The following MDN1 variants were observed in gnomAD, a reference collection of about 807,000 sequenced individuals.
The protein encoded by MDN1 is midasin AAA ATPase 1.
Under a neutral mutation model 669.2 loss-of-function variants are expected in MDN1, and 266 were observed. The observed-to-expected ratio is 0.40, with a 90% CI of 0.36 to 0.44. The LOEUF is 0.44. Among genes scored for constraint, MDN1 ranks in the 20% least tolerant of loss-of-function variants. MDN1 has a pLI of 1.00. For synonymous variants in MDN1, 2,385 were observed against 2,457.1 expected, an observed-to-expected ratio of 0.97 and a Z score of 0.87; for missense variants, 5,940 against 6,754.0, an observed-to-expected ratio of 0.88 and a Z score of 4.22.
At position 89,758,235 on chromosome 6, in the gene MDN1, T is replaced by A; in HGVS notation, c.2702+20A>T. 1 of 1,582,662 alleles carries A rather than the reference T, an allele frequency of 6.3e-7. No homozygotes were observed. Among genetic ancestry groups the A allele is most frequent in the Non-Finnish European group, 8.6e-7 (1 of 1,157,384 alleles). On this transcript the variant is annotated intron_variant, in intron 19 of 101. Coordinates refer to ENST00000369393, the MANE Select transcript of MDN1 (RefSeq NM_014611.3). ...GAACCTGTTGCAAAAAAGGAAAGTC[T>A]CCAAGAACCAAACCCTCACCTGTTT... is the stretch of plus-strand genomic sequence containing the variant.
At chr6:89,668,986 C>T (rs551979600) in intron 83 of MDN1, among the ~76,000 whole-genome samples, 3 of 152,174 alleles carry the variant, frequency 2.0e-5, no homozygotes, top group African/African-American at 7.2e-5. Flanking sequence ...TTAATTTTCC[C>T]ATTGAACTAC....
chr6:89,677,960 C>T (rs1311484761), intron 75 of MDN1, among the ~76,000 whole-genome samples: 2 of 152,210 alleles, frequency 1.3e-5, no homozygotes, highest in African/African-American at 2.4e-5. Context: ...TGGTACAGCA[C>T]GTGGTGACAG....
At chr6:89,742,969 T>A (rs957969165) in intron 31 of MDN1, among the ~76,000 whole-genome samples, 181 bp downstream of exon 31, 1 of 151,934 alleles carries the variant, frequency 6.6e-6, no homozygotes, top group African/African-American at 2.4e-5. Context: ...GTGCACAAGA[T>A]TAAATATCTA....
chr6:89,810,114 G>C (rs1455565114), intron 1 of MDN1, among the ~76,000 whole-genome samples: 1 of 150,420 alleles, frequency 6.6e-6, no homozygotes, highest in Non-Finnish European at 1.5e-5. Context: ...TCCTGGAGCT[G>C]TCATAACAAA....
At position 89,715,752 on chromosome 6, in the gene MDN1, C is replaced by T. The variant is rs1814322913; in HGVS notation, c.6761G>A (p.Arg2254His). 2.5e-6 allele frequency: 4 copies of T among 1,611,196 alleles called. No individual in the cohort carries two copies. Among genetic ancestry groups the T allele is most frequent in the Non-Finnish European group, 1.7e-6 (2 of 1,177,332 alleles). ...TCCGGGTTCAAGCAAAGCATTCAAA[C>T]GATCCAACACTGATGGGCTGCAGAG... is the stretch of plus-strand genomic sequence containing the variant. Reference protein sequence around the residue: ...VNFCNPSVLDRLNALLEPGGV... With the variant: ...VNFCNPSVLDHLNALLEPGGV... Residue 2254 changes from arginine to histidine, a missense_variant, in exon 45 of 102, where the codon CGT becomes CAT. Coordinates refer to ENST00000369393, the MANE Select transcript of MDN1 (RefSeq NM_014611.3).
At chr6:89,763,183 G>T (rs2128321131) in intron 15 of MDN1, among the ~76,000 whole-genome samples, 1 of 152,100 alleles carries the variant, frequency 6.6e-6, no homozygotes, top group South Asian at 2.1e-4. Flanking sequence ...CATTAAGGTT[G>T]ACCAAAATCC....
chr6:89,656,370 A>C (rs1026864395), intron 91 of MDN1, among the ~76,000 whole-genome samples: 18 of 152,122 alleles, frequency 1.2e-4, no homozygotes, highest in Admixed American at 4.6e-4. Context: ...TTAAAAAAAA[A>C]CTTACTCTTA....
chr6:89,694,253 G>A (rs1342420878), intron 61 of MDN1, 70 bp from the exon 62 acceptor site: 7 of 1,310,010 alleles, frequency 5.3e-6, no homozygotes, highest in Non-Finnish European at 7.7e-6. Flanking sequence ...CAATGTCCTG[G>A]GGACACGTAG....
intron 33 of MDN1, among the ~76,000 whole-genome samples, chr6:89,736,186 T>TC (rs905850482): frequency 6.6e-6 from 1 of 152,190 alleles, no homozygotes; most frequent in Non-Finnish European, 1.5e-5. Context: ...TTCACCATGC[T>TC]CCCCTTCAAG....
chr6:89,745,866 G>A (rs146847868), intron 27 of MDN1, among the ~76,000 whole-genome samples: 1 of 152,192 alleles, frequency 6.6e-6, no homozygotes, highest in Non-Finnish European at 1.5e-5. Context: ...AAGCAGGAAT[G>A]TTCAGAGAAG....
chr6:89,714,773 G>A lies in MDN1; in HGVS notation c.6861-22C>T, dbSNP rs760582341. ...AAGTCTAGAAAAATAGCAATTCAAA[G>A]AAAAAAATGATTTTAAATCCCAGTG... is the stretch of plus-strand genomic sequence containing the variant. On this transcript the variant is annotated intron_variant, in intron 45 of 101. Transcript: ENST00000369393. The A allele has an allele frequency of 4.4e-6, 7 of 1,591,410 alleles. No individual in the cohort carries two copies. In the Admixed American group the frequency reaches 7.1e-5, roughly 16 times the overall value.
At position 89,692,439 on chromosome 6, in the gene MDN1, T is replaced by C; in HGVS notation, c.10587+4A>G. 6.2e-7 allele frequency: 1 copy of C among 1,600,984 alleles called. No individual in the cohort carries two copies. On this transcript the variant is annotated splice_donor_region_variant and intron_variant, in intron 63 of 101. Transcript: ENST00000369393. ...GCAGGGCAGGCCTCCCAGAGATGGC[T>C]CACCTGACACACATGTCTGAAGAGC...
In MDN1 at chr6:89,814,461, C is replaced by T. The variant is rs559142081; in HGVS notation, c.102+5045G>A. Among the ~76,000 whole-genome samples, 15 of 147,964 alleles carry T rather than the reference C, an allele frequency of 1.0e-4. No individual in the cohort carries two copies. The South Asian group carries it at 3.3e-3, about 33-fold the overall frequency. On this transcript the variant is annotated intron_variant, in intron 1 of 101. Transcript: ENST00000369393. ...CTGGTCTCAAACTCCTGGGTCCAAA[C>T]AATCCTCCTCCCTCAGCCTCCAACA...
At chr6:89,793,695 C>A in intron 5 of MDN1, 67 bp downstream of exon 5, 1 of 1,365,886 alleles carries the variant, frequency 7.3e-7, no homozygotes, top group South Asian at 1.6e-5. Context: ...AGAACCCAGC[C>A]AAAGACAGAG....
chr6:89,672,755 T>C, intron 80 of MDN1, 53 bp from the exon 81 acceptor site: 1 of 1,573,688 alleles, frequency 6.4e-7, no homozygotes, highest in Non-Finnish European at 8.7e-7. Flanking sequence ...CACCAATCAT[T>C]TGCTTTAGTG....
rs1337649739 is a variant in MDN1 at position 89,713,265 on chromosome 6, G to C, written c.7101C>G (p.Ile2367Met). The C allele has an allele frequency of 1.2e-6, 2 of 1,613,250 alleles. No individual in the cohort carries two copies. Among genetic ancestry groups the C allele is most frequent in the African/African-American group, 2.7e-5 (2 of 74,848 alleles). Residue 2367 changes from isoleucine to methionine, a missense_variant, in exon 47 of 102, where the codon ATC becomes ATG. Ile to Met is a conservative substitution (Grantham distance 10). Around this residue, in one of 5 missense-constraint regions of MDN1, gnomAD observed 2,292 missense variants for 2,638.3 expected, o/e 0.87. Coordinates refer to ENST00000369393, the MANE Select transcript of MDN1 (RefSeq NM_014611.3). The part of the protein sequence containing the change: ...GSPTSSVSTL[I>M]QTAILIVQYL... ...ACTGGACAATTAGTATGGCTGTCTG[G>C]ATTAGAGTTGATACAGAAGATGTTG... is the stretch of plus-strand genomic sequence containing the variant.
Position 89,655,841 on chromosome 6 carries a change from GGCTGCTGAGCTGGCCCCTGCTC to G in MDN1, c.15391_15412del (p.Glu5131ProfsTer49), listed in dbSNP as rs778888017. On this transcript the variant is annotated frameshift_variant, in exon 92 of 102. Transcript: ENST00000369393. LOFTEE classifies it high-confidence loss of function. ...ATCTGCATCCTCCACCTGGGCCTGG[GGCTGCTGAGCTGGCCCCTGCTC>G]GGCATGGCTGTCCGTATCCACAGTC... The G allele has an allele frequency of 6.2e-7, 1 of 1,614,026 alleles. No individual in the cohort carries two copies. Among genetic ancestry groups the G allele is most frequent in the South Asian group, 1.1e-5 (1 of 91,056 alleles).
chr6:89,661,623 AT>A, intron 87 of MDN1, 45 bp from the exon 88 acceptor site: 1 of 1,535,582 alleles, frequency 6.5e-7, no homozygotes, highest in Non-Finnish European at 8.8e-7. Flanking sequence ...AAATACAAAT[AT>A]TTTTTTAAAA....
At chr6:89,747,216 G>T in intron 27 of MDN1, 113 bp downstream of exon 27, 1 of 1,233,214 alleles carries the variant, frequency 8.1e-7, no homozygotes, top group Non-Finnish European at 1.1e-6. Context: ...CAGGCTCTCT[G>T]GAATACCTAG....
Sources: gnomAD v4.1 joint callset for allele counts (sites outside exome capture counted in the v4.1 genomes callset) on GRCh38, gnomAD v4.1.1 for gene constraint, gnomAD v4.1.1 regional missense constraint, MANE v1.5 for transcripts, NCBI Gene and HGNC (gene_info 2026-07-23, HGNC 2026-07-21) for gene names.